The following PDXK variants were observed in gnomAD, a reference collection of about 807,000 sequenced individuals.
PDXK encodes the protein pyridoxal kinase.
Under a neutral mutation model 43.2 loss-of-function variants are expected in PDXK, and 15 were observed. The ratio of observed to expected loss-of-function variants is 0.35; its 90% confidence interval spans 0.23 to 0.53. The LOEUF is 0.53. PDXK is among the 20% of genes least tolerant of loss of function. PDXK has a pLI of 0.92. For synonymous variants in PDXK, 172 were observed against 165.4 expected, an observed-to-expected ratio of 1.04 and a Z score of -0.31; for missense variants, 343 against 417.0, an observed-to-expected ratio of 0.82 and a Z score of 1.54.
chr21:43,755,791 C>A, intron 10 of PDXK, 27 bp downstream of exon 10: 1 of 1,600,830 alleles, frequency 6.2e-7, no homozygotes, highest in Non-Finnish European at 8.6e-7. Flanking sequence ...GCATGGGCTG[C>A]GTGGGCTCCT....
At position 43,737,592 on chromosome 21, in the gene PDXK, C is replaced by G. The variant is rs1043232084; in HGVS notation, c.142+3469C>G. On this transcript the variant is annotated intron_variant, in intron 2 of 10. Transcript: ENST00000291565. This position sits in a 1 kb window ranked among gnomAD's most constrained non-coding sequence, Gnocchi z 4.8. ...AGGGGATGGGACAGGTGCCCTGCTG[C>G]TGGGCTTGGTGGTCCCTGCTGCAGG... is the stretch of plus-strand genomic sequence containing the variant. 1.1e-5 allele frequency: 11 copies of G among 991,336 alleles called. No individual in the cohort carries two copies. The highest frequency in any genetic ancestry group is 1.3e-5 in the Non-Finnish European group (11 of 833,384). The allele number at this position is 991,336 out of a possible 1,614,324, so 61.4% of individuals were successfully genotyped here. A position where few individuals can be genotyped will look rare whatever the true frequency, so the allele number is the denominator to read the frequency against.
chr21:43,742,950 G>A (rs117464663), intron 3 of PDXK, among the ~76,000 whole-genome samples: 2,925 of 152,194 alleles, frequency 0.019, 47 homozygotes, highest in Middle Eastern at 0.034. Context: ...TTCACCTCTC[G>A]CCCGTGGGTT....
chr21:43,737,915 G>C lies in PDXK; in HGVS notation c.143-3752G>C. 2 of 985,512 alleles carry C rather than the reference G, an allele frequency of 2.0e-6. 1 individual carries two copies. The highest frequency in any genetic ancestry group is 1.0e-3 in the Middle Eastern group (2 of 1,914). 61.0% of individuals were successfully genotyped at this position (985,512 alleles called of 1,614,324 possible). A position where few individuals can be genotyped will look rare whatever the true frequency, so the allele number is the denominator to read the frequency against. On this transcript the variant is annotated intron_variant, in intron 2 of 10. Transcript: ENST00000291565. This position sits in a 1 kb window ranked among gnomAD's most constrained non-coding sequence, Gnocchi z 4.8. ...TGGAGAAGGTTCTTGTGGGCTCTGG[G>C]CCCATCCCACATCCCACAGTGGGCA...
At chr21:43,731,456 C>T (rs751222982) in intron 1 of PDXK, among the ~76,000 whole-genome samples, 1 of 152,346 alleles carries the variant, frequency 6.6e-6, no homozygotes, top group East Asian at 1.9e-4. Context: ...AATTCTGCCA[C>T]GGAAGAGCCC....
chr21:43,740,660 G>A (rs1345580443), intron 2 of PDXK, among the ~76,000 whole-genome samples: 2 of 151,904 alleles, frequency 1.3e-5, no homozygotes, highest in Non-Finnish European at 2.9e-5. Context: ...GGAAGCCGAC[G>A]CGTCTGTCCT....
chr21:43,750,237 C>T (rs977330542), intron 6 of PDXK, among the ~76,000 whole-genome samples: 1 of 152,238 alleles, frequency 6.6e-6, no homozygotes, highest in Non-Finnish European at 1.5e-5. Flanking sequence ...AAGTGGGGGC[C>T]GTGGCTGCTG....
At chr21:43,730,662 A>G (rs2083306302) in intron 1 of PDXK, among the ~76,000 whole-genome samples, 1 of 151,384 alleles carries the variant, frequency 6.6e-6, no homozygotes, top group African/African-American at 2.4e-5. Flanking sequence ...CTTTTAATAT[A>G]GTTTATGTAG....
intron 3 of PDXK, among the ~76,000 whole-genome samples, chr21:43,742,258 C>T (rs2083549737): frequency 6.6e-6 from 1 of 152,214 alleles, no homozygotes; most frequent in Non-Finnish European, 1.5e-5. Flanking sequence ...TAGCTCACTG[C>T]AGCCTCAACC....
In PDXK at chr21:43,761,764, C is replaced by G. The variant is rs561264840; in HGVS notation, c.*5701C>G. The G allele has an allele frequency of 6.6e-6, 1 of 152,170 alleles. No individual in the cohort carries two copies. The highest frequency in any genetic ancestry group is 6.5e-5 in the Admixed American group (1 of 15,280). 9.4% of individuals were successfully genotyped at this position (152,170 alleles called of 1,614,324 possible). A position where few individuals can be genotyped will look rare whatever the true frequency, so the allele number is the denominator to read the frequency against. On this transcript the variant is annotated 3_prime_UTR_variant, in exon 11 of 11. Coordinates refer to ENST00000291565, the MANE Select transcript of PDXK (RefSeq NM_003681.5). ...AAGACCCTTCCAGTACATCCCACAG[C>G]GTGTCGAGCAGCTGGGAGAACCTGT...
At chr21:43,730,571 A>G (rs2083305347) in intron 1 of PDXK, among the ~76,000 whole-genome samples, 1 of 152,226 alleles carries the variant, frequency 6.6e-6, no homozygotes, top group South Asian at 2.1e-4. Flanking sequence ...CACAATAGAC[A>G]CAAATAGCTG....
At chr21:43,747,979 C>T (rs2084440466) in intron 5 of PDXK, among the ~76,000 whole-genome samples, 1 of 152,200 alleles carries the variant, frequency 6.6e-6, no homozygotes, top group Admixed American at 6.5e-5. Context: ...TCTGGAGCAG[C>T]GGCCGGCGTG....
rs750576665 is a variant in PDXK, at chr21:43,732,560, A to G, written c.88-1509A>G. 1.1e-6 allele frequency: 1 copy of G among 937,890 alleles called. No individual in the cohort carries two copies. The highest frequency in any genetic ancestry group is 2.1e-4 in the Middle Eastern group (1 of 4,786). The allele number at this position is 937,890 out of a possible 1,614,324, so 58.1% of individuals were successfully genotyped here. Reference sequence around the variant, plus strand: ...GCCAGCCCCAAAGGATTAATTATCTACACACCCAGAAGCAGTGGAGCAGAA... The same window carrying G: ...GCCAGCCCCAAAGGATTAATTATCTGCACACCCAGAAGCAGTGGAGCAGAA... On this transcript the variant is annotated intron_variant, in intron 1 of 10. Coordinates refer to ENST00000291565, the MANE Select transcript of PDXK (RefSeq NM_003681.5). The surrounding 1 kb of genome is among the most constrained non-coding windows in gnomAD (Gnocchi z 4.1).
At position 43,732,083 on chromosome 21, in the gene PDXK, GAGAAGAGCCCCGGGGGA is replaced by G. The variant is rs1486548356; in HGVS notation, c.88-1977_88-1961del. On this transcript the variant is annotated intron_variant, in intron 1 of 10. Transcript: ENST00000291565. This position sits in a 1 kb window ranked among gnomAD's most constrained non-coding sequence, Gnocchi z 4.1. ...CGGTCACTACCGCTGCCCCTGTGGGGAGAAGAGCCCCGGGGGAAGAAGAGCACTGCTGACAGAAGCCC... is the reference window on the plus strand; with the variant it reads ...CGGTCACTACCGCTGCCCCTGTGGGGAGAAGAGCACTGCTGACAGAAGCCC... 2.2e-5 allele frequency: 25 copies of G among 1,123,528 alleles called. No homozygotes were observed. In the East Asian group the frequency reaches 1.1e-3, roughly 50 times the overall value. 69.6% of individuals were successfully genotyped at this position (1,123,528 alleles called of 1,614,324 possible). A position where few individuals can be genotyped will look rare whatever the true frequency, so the allele number is the denominator to read the frequency against.
chr21:43,751,371 A>C (rs535050594), intron 7 of PDXK, among the ~76,000 whole-genome samples: 17 of 152,286 alleles, frequency 1.1e-4, no homozygotes, highest in Admixed American at 1.0e-3. Flanking sequence ...CAACATGGTA[A>C]AACCCCATCT....
intron 7 of PDXK, among the ~76,000 whole-genome samples, chr21:43,752,161 C>T (rs770075011): frequency 1.3e-5 from 2 of 152,110 alleles, no homozygotes; most frequent in East Asian, 1.9e-4. Context: ...GGCAACCGTG[C>T]GGTGGAGACA....
intron 5 of PDXK, among the ~76,000 whole-genome samples, chr21:43,746,815 C>CT (rs1037330536): frequency 6.6e-6 from 1 of 152,066 alleles, no homozygotes; most frequent in South Asian, 2.1e-4. Context: ...CTTTTTTTGG[C>CT]TTTTTTCCCC....
At chr21:43,740,438 C>T (rs1031914069) in intron 2 of PDXK, among the ~76,000 whole-genome samples, 2 of 152,070 alleles carry the variant, frequency 1.3e-5, no homozygotes. Context: ...TCCTTATTTG[C>T]TGAAAAAGGC....
chr21:43,740,673 C>A (rs376724155), intron 2 of PDXK, among the ~76,000 whole-genome samples: 2 of 152,020 alleles, frequency 1.3e-5, no homozygotes, highest in Middle Eastern at 3.4e-3. Flanking sequence ...TCTGTCCTCA[C>A]ACATTGATAT....
rs146968642 is a variant in PDXK, at chr21:43,720,331, C to T, written c.87+950C>T. On this transcript the variant is annotated intron_variant, in intron 1 of 10. Coordinates refer to ENST00000291565, the MANE Select transcript of PDXK (RefSeq NM_003681.5). ...AGGTATGCCTGGTCCCTGTGCTGGG[C>T]CCCACGGGATGTAAAGAAGGGCCAC... Among the ~76,000 whole-genome samples the T allele has an allele frequency of 8.5e-5, 13 of 152,238 alleles. No individual in the cohort carries two copies. In the South Asian group the frequency reaches 1.9e-3, roughly 22 times the overall value.
Sources: allele counts gnomAD v4.1 joint callset (sites outside exome capture counted in the v4.1 genomes callset), GRCh38; gene constraint gnomAD v4.1.1; non-coding constraint Gnocchi (gnomAD v3.1); transcripts MANE v1.5; gene names NCBI Gene and HGNC (gene_info 2026-07-23, HGNC 2026-07-21).